ARHGEF12: variants seen among roughly 807,000 people sequenced by gnomAD.
ARHGEF12 encodes Rho guanine nucleotide exchange factor 12.
In ARHGEF12, 66 loss-of-function variants were observed where a neutral mutation model predicts 211.2. The observed-to-expected ratio is 0.31, with a 90% CI of 0.26 to 0.38. The LOEUF (loss-of-function observed/expected upper bound fraction) is 0.38, where lower values mean the gene tolerates loss of function less well. Ranked by LOEUF, ARHGEF12 falls within the 10% of genes least tolerant of loss-of-function variation. ARHGEF12 has a pLI of 1.00. For synonymous variants in ARHGEF12, 592 were observed against 638.4 expected, an observed-to-expected ratio of 0.93 and a Z score of 1.09; for missense variants, 1,429 against 1,869.5, an observed-to-expected ratio of 0.76 and a Z score of 4.34.
At position 120,451,741 on chromosome 11, in the gene ARHGEF12, GT is replaced by G; in HGVS notation, c.2056+19del. 6.2e-7 allele frequency: 1 copy of G among 1,605,044 alleles called. No individual in the cohort carries two copies. The highest frequency in any genetic ancestry group is 8.5e-7 in the Non-Finnish European group (1 of 1,173,604). On this transcript the variant is annotated intron_variant, in intron 22 of 40. Coordinates refer to ENST00000397843, the MANE Select transcript of ARHGEF12 (RefSeq NM_015313.3). The stretch of plus-strand genomic sequence containing the variant: ...ATGATACAGGTGAGCTATTACTGTA[GT>G]TCAGCTTAACTAAGCATCAAGATTT...
rs375546425 is a variant in ARHGEF12, at chr11:120,478,335, G to T, written c.3712G>T (p.Asp1238Tyr). The change falls in exon 37 of 41, where the codon GAT (aspartate) becomes TAT (tyrosine). Residue 1238 changes from aspartate (D) to tyrosine (Y), a missense_variant. Asp to Tyr is a radical substitution (Grantham distance 160). Coordinates refer to ENST00000397843, the MANE Select transcript of ARHGEF12 (RefSeq NM_015313.3). Reference sequence around the variant, plus strand: ...AGAAGATTATCAAATCGCAATCCCAGATTCACACCTGCCTGTCTCAGAAGA... The same window carrying T: ...AGAAGATTATCAAATCGCAATCCCATATTCACACCTGCCTGTCTCAGAAGA... ...VGEDYQIAIP[D>Y]SHLPVSEERW... 6.3e-5 allele frequency: 102 copies of T among 1,614,034 alleles called. No individual in the cohort carries two copies. Among genetic ancestry groups the T allele is most frequent in the Non-Finnish European group, 7.7e-5 (91 of 1,180,034 alleles).
At chr11:120,441,845 C>T in intron 14 of ARHGEF12, 28 bp downstream of exon 14, 1 of 1,589,422 alleles carries the variant, frequency 6.3e-7, no homozygotes, top group Non-Finnish European at 8.6e-7. Flanking sequence ...CTAGCAGATT[C>T]AGAGTTCTTC....
intron 22 of ARHGEF12, among the ~76,000 whole-genome samples, chr11:120,453,451 G>A (rs1252484169): frequency 2.0e-5 from 3 of 152,148 alleles, no homozygotes; most frequent in Non-Finnish European, 2.9e-5. Context: ...CAGGCATGGT[G>A]GCTTACTCCT....
At chr11:120,417,811 A>G (rs948999555) in intron 4 of ARHGEF12, among the ~76,000 whole-genome samples, 3 of 152,164 alleles carry the variant, frequency 2.0e-5, no homozygotes, top group African/African-American at 7.2e-5. Flanking sequence ...CTCTGATTCT[A>G]TTTATTATAT....
chr11:120,478,848 A>G (rs1947144347), intron 37 of ARHGEF12, among the ~76,000 whole-genome samples: 1 of 152,262 alleles, frequency 6.6e-6, no homozygotes, highest in African/African-American at 2.4e-5. Context: ...GAATGTTATC[A>G]GAAGGAATAA....
rs71473103 is a variant in ARHGEF12 at position 120,344,265 on chromosome 11, C to CAAAAAA, written c.32+7014_32+7019dup. On this transcript the variant is annotated intron_variant, in intron 1 of 40. Coordinates refer to ENST00000397843, the MANE Select transcript of ARHGEF12 (RefSeq NM_015313.3). ...TGGATGACAGAGCAAGACTCCGTCT[C>CAAAAAA]AAAAAAAAAAAAAAAAAAAAAAAAA... 9.6e-4 allele frequency among the ~76,000 whole-genome samples: 51 copies of CAAAAAA among 53,020 alleles called. 4 individuals are homozygous for CAAAAAA. The highest frequency in any genetic ancestry group is 3.7e-3 in the African/African-American group (51 of 13,860). The allele number at this position is 53,020 out of a possible 152,430, so 34.8% of individuals were successfully genotyped here.
Position 120,421,889 on chromosome 11 carries a change from T to TA in ARHGEF12, c.348+43dup, listed in dbSNP as rs754683208. On this transcript the variant is annotated intron_variant, in intron 6 of 40. Transcript: ENST00000397843. ...GCTATTATAGAATTTACGGTAGGATTAAAAAACAACATATATTGGTCATAT... is the reference window on the plus strand; with the variant it reads ...GCTATTATAGAATTTACGGTAGGATTAAAAAAACAACATATATTGGTCATAT... 24 of 1,526,008 alleles carry TA rather than the reference T, an allele frequency of 1.6e-5. No individual in the cohort carries two copies. In the African/African-American group the frequency reaches 3.0e-4, roughly 19 times the overall value. 94.5% of individuals were successfully genotyped at this position (1,526,008 alleles called of 1,614,324 possible). A position where few individuals can be genotyped will look rare whatever the true frequency, so the allele number is the denominator to read the frequency against.
chr11:120,483,891 G>A (rs1403017785), intron 39 of ARHGEF12, among the ~76,000 whole-genome samples: 1 of 152,172 alleles, frequency 6.6e-6, no homozygotes, highest in Non-Finnish European at 1.5e-5. Flanking sequence ...TGGGATTACA[G>A]GCGTGAGCCA....
intron 1 of ARHGEF12, among the ~76,000 whole-genome samples, chr11:120,398,945 A>G (rs980843249): frequency 3.2e-4 from 48 of 152,136 alleles, no homozygotes; most frequent in Non-Finnish European, 6.6e-4. Context: ...AGAACAGGAA[A>G]TATGTTCAAT....
rs917619797 is a variant in ARHGEF12 at position 120,476,481 on chromosome 11, CAATA to C, written c.3278-175_3278-172del. ...TTATTGAAGTACAATAAATATAGTACAATAAATACGTTAATATGGTAAGTTGCAC... is the reference window on the plus strand; with the variant it reads ...TTATTGAAGTACAATAAATATAGTACAATACGTTAATATGGTAAGTTGCAC... On this transcript the variant is annotated intron_variant, in intron 33 of 40. Transcript: ENST00000397843. The C allele has an allele frequency of 7.2e-5, 32 of 444,570 alleles. No individual in the cohort carries two copies. In the Admixed American group the frequency reaches 8.8e-4, roughly 12 times the overall value. 27.5% of individuals were successfully genotyped at this position (444,570 alleles called of 1,614,324 possible).
intron 4 of ARHGEF12, among the ~76,000 whole-genome samples, chr11:120,419,689 A>C (rs978736576): frequency 6.6e-6 from 1 of 152,064 alleles, no homozygotes; most frequent in South Asian, 2.1e-4. Context: ...CACACAGTCT[A>C]TATATATTTT....
Position 120,478,218 on chromosome 11 carries a change from A to T in ARHGEF12, c.3595A>T (p.Thr1199Ser). 6.2e-7 allele frequency: 1 copy of T among 1,614,138 alleles called. No homozygotes were observed. The highest frequency in any genetic ancestry group is 8.5e-7 in the Non-Finnish European group (1 of 1,180,032). ...SSKPQSHSLS[T>S]SGKSEVRDLF... ...AAAACCTCAGTCTCATTCACTGAGT[A>T]CCTCTGGGAAATCAGAGGTACGTGA... The change falls in exon 37 of 41, where the codon ACC becomes TCC. Residue 1199 changes from threonine (T) to serine (S), a missense_variant. Thr to Ser is a moderately conservative substitution (Grantham distance 58). Coordinates refer to ENST00000397843, the MANE Select transcript of ARHGEF12 (RefSeq NM_015313.3).
At chr11:120,444,149 T>C (rs1404335623) in intron 15 of ARHGEF12, among the ~76,000 whole-genome samples, 1 of 152,172 alleles carries the variant, frequency 6.6e-6, no homozygotes, top group African/African-American at 2.4e-5. Flanking sequence ...CACTTAAGTA[T>C]GTGTTAAGTG....
In ARHGEF12 at chr11:120,364,591, G is replaced by A. The variant is rs888271753; in HGVS notation, c.32+27316G>A. 2.0e-5 allele frequency among the ~76,000 whole-genome samples: 3 copies of A among 152,134 alleles called. No individual in the cohort carries two copies. The East Asian group carries it at 5.8e-4, about 29-fold the overall frequency. On this transcript the variant is annotated intron_variant, in intron 1 of 40. Coordinates refer to ENST00000397843, the MANE Select transcript of ARHGEF12 (RefSeq NM_015313.3). Reference sequence around the variant, plus strand: ...TGGTGCCTCTGAAGAGGTAGACCTAGAAACTGGGATGACAAGGAACTCCCA... The same window carrying A: ...TGGTGCCTCTGAAGAGGTAGACCTAAAAACTGGGATGACAAGGAACTCCCA...
chr11:120,475,787 C>G (rs1208025675), intron 33 of ARHGEF12, among the ~76,000 whole-genome samples: 1 of 151,980 alleles, frequency 6.6e-6, no homozygotes, highest in East Asian at 1.9e-4. Context: ...AATGAAAAGC[C>G]TTTCATTTAG....
intron 12 of ARHGEF12, 68 bp from the exon 13 acceptor site, chr11:120,440,061 G>A (rs1293134236): frequency 9.2e-7 from 1 of 1,091,084 alleles, no homozygotes; most frequent in Admixed American, 2.0e-5. Context: ...TTGATGGGTT[G>A]GCTTTATTCT....
At chr11:120,448,115 T>G in intron 19 of ARHGEF12, 119 bp from the exon 20 acceptor site, 1 of 815,722 alleles carries the variant, frequency 1.2e-6, no homozygotes, top group Non-Finnish European at 2.0e-6. Context: ...AGTTCTTTAG[T>G]GTTTGTTTGA....
At chr11:120,481,017 G>T (rs539079097) in intron 38 of ARHGEF12, among the ~76,000 whole-genome samples, 2 of 152,260 alleles carry the variant, frequency 1.3e-5, no homozygotes, top group East Asian at 3.9e-4. Flanking sequence ...AGATCATTTA[G>T]GCACTGTAGT....
chr11:120,406,794 G>A (rs1045684099), intron 2 of ARHGEF12, among the ~76,000 whole-genome samples: 2 of 152,036 alleles, frequency 1.3e-5, no homozygotes, highest in South Asian at 2.1e-4. Flanking sequence ...TCCTGACCTC[G>A]TGATTCGCCC....
Sources: allele counts gnomAD v4.1 joint callset (sites outside exome capture counted in the v4.1 genomes callset), GRCh38; gene constraint gnomAD v4.1.1; transcripts MANE v1.5; gene names NCBI Gene and HGNC (gene_info 2026-07-23, HGNC 2026-07-21).